PIKFYVE: variants seen among roughly 807,000 people sequenced by gnomAD.
PIKFYVE encodes 1-phosphatidylinositol 3-phosphate 5-kinase.
In PIKFYVE, 122 loss-of-function variants were observed where a neutral mutation model predicts 257.9. The observed-to-expected ratio is 0.47, with a 90% CI of 0.41 to 0.55. The LOEUF is 0.55. PIKFYVE is among the 20% of genes least tolerant of loss of function. PIKFYVE has a pLI of 0.00. For synonymous variants in PIKFYVE, 892 were observed against 868.9 expected, an observed-to-expected ratio of 1.03 and a Z score of -0.47; for missense variants, 2,160 against 2,536.6, an observed-to-expected ratio of 0.85 and a Z score of 3.19.
At chr2:208,279,527 T>A (rs1181196350) in intron 5 of PIKFYVE, among the ~76,000 whole-genome samples, 2 of 152,228 alleles carry the variant, frequency 1.3e-5, no homozygotes, top group Non-Finnish European at 2.9e-5. Context: ...ACTTTCATAG[T>A]TTGAGGTCTT....
intron 3 of PIKFYVE, among the ~76,000 whole-genome samples, chr2:208,274,396 G>A (rs1689837766): frequency 6.6e-6 from 1 of 152,200 alleles, no homozygotes; most frequent in African/African-American, 2.4e-5. Context: ...GGAGTGGTTT[G>A]CCTAAGTCAA....
chr2:208,271,565 G>A lies in PIKFYVE; in HGVS notation c.46G>A (p.Asp16Asn). 5.6e-6 allele frequency: 9 copies of A among 1,614,148 alleles called. No individual in the cohort carries two copies. The highest frequency in any genetic ancestry group is 7.6e-6 in the Non-Finnish European group (9 of 1,180,002). The stretch of plus-strand genomic sequence containing the variant: ...GTCCCCAACACTGGACTCTGCTAAT[G>A]ATTTGCCTCGATCTCCTACTAGTCC... ...KTSPTLDSANDLPRSPTSPSH... is the reference protein window; with the variant it reads ...KTSPTLDSANNLPRSPTSPSH... The change falls in exon 2 of 42, where the codon GAT (aspartate) becomes AAT (asparagine). Residue 16 changes from aspartate (D) to asparagine (N), a missense_variant. Asp to Asn is a conservative substitution (Grantham distance 23). Coordinates refer to ENST00000264380, the MANE Select transcript of PIKFYVE (RefSeq NM_015040.4).
At chr2:208,333,091 G>A (rs1365836825) in intron 23 of PIKFYVE, among the ~76,000 whole-genome samples, 15 of 151,830 alleles carry the variant, frequency 9.9e-5, no homozygotes, top group African/African-American at 2.2e-4. Flanking sequence ...AAAATTAGCC[G>A]GGCGTGGTGG....
intron 4 of PIKFYVE, among the ~76,000 whole-genome samples, chr2:208,277,034 C>T (rs183189872): frequency 5.3e-5 from 8 of 152,186 alleles, no homozygotes; most frequent in African/African-American, 1.9e-4. Context: ...GTGCTTTTCG[C>T]GTTCTGTTTA....
intron 24 of PIKFYVE, among the ~76,000 whole-genome samples, 172 bp downstream of exon 24, chr2:208,333,665 C>G (rs1268399881): frequency 6.6e-6 from 1 of 152,148 alleles, no homozygotes; most frequent in Non-Finnish European, 1.5e-5. Flanking sequence ...ATTTTATTTA[C>G]TCTTTACCCT....
At chr2:208,339,602 A>G (rs760457543) in intron 30 of PIKFYVE, 47 bp downstream of exon 30, 5 of 1,600,592 alleles carry the variant, frequency 3.1e-6, no homozygotes. Context: ...TCTAAGACTG[A>G]AAGATATATC....
At chr2:208,270,835 A>G (rs1574384094) in intron 1 of PIKFYVE, among the ~76,000 whole-genome samples, 1 of 151,974 alleles carries the variant, frequency 6.6e-6, no homozygotes, top group Admixed American at 6.5e-5. Context: ...GGAGTTGGAG[A>G]CCAGCCTGGC....
In PIKFYVE at chr2:208,296,944, A is replaced by G. The variant is rs1012426920; in HGVS notation, c.912-1697A>G. Among the ~76,000 whole-genome samples, 3 of 152,150 alleles carry G rather than the reference A, an allele frequency of 2.0e-5. No homozygotes were observed. The South Asian group carries it at 6.2e-4, about 32-fold the overall frequency. ...AGATGAGAGTTTTGCTGTAAAGTAG[A>G]GGGAAATGCAGCCGAGGGATGTGGA... On this transcript the variant is annotated intron_variant, in intron 7 of 41. Coordinates refer to ENST00000264380, the MANE Select transcript of PIKFYVE (RefSeq NM_015040.4).
At chr2:208,317,824 A>G (rs10497898) in intron 15 of PIKFYVE, 43 bp from the exon 16 acceptor site, 199,696 of 1,496,612 alleles carry the variant, frequency 0.13, 14,073 homozygotes, top group African/African-American at 0.14. Flanking sequence ...GATTCTAAGC[A>G]TGTTATCATT....
intron 7 of PIKFYVE, 71 bp downstream of exon 7, chr2:208,288,889 G>A (rs557162639): frequency 4.5e-6 from 7 of 1,557,030 alleles, no homozygotes; most frequent in South Asian, 4.5e-5. Flanking sequence ...AAGAACAAAC[G>A]GATAAAAAGG....
intron 23 of PIKFYVE, 150 bp from the exon 24 acceptor site, chr2:208,333,165 C>T (rs537879047): frequency 2.9e-4 from 207 of 713,260 alleles, no homozygotes; most frequent in Non-Finnish European, 4.2e-4. Flanking sequence ...ACCTGAGAGG[C>T]GGAGCTTGCA....
At chr2:208,351,872 A>C (rs996174204) in intron 38 of PIKFYVE, among the ~76,000 whole-genome samples, 4 of 152,186 alleles carry the variant, frequency 2.6e-5, no homozygotes, top group Non-Finnish European at 5.9e-5. Context: ...AATACCTCTC[A>C]CCAGGCCGCA....
At chr2:208,293,138 A>C (rs1692527288) in intron 7 of PIKFYVE, among the ~76,000 whole-genome samples, 1 of 149,654 alleles carries the variant, frequency 6.7e-6, no homozygotes, top group African/African-American at 2.5e-5. Context: ...CAACTAATCC[A>C]CATTTACTTT....
chr2:208,325,924 G>A lies in PIKFYVE; in HGVS notation c.3113G>A (p.Arg1038Gln), dbSNP rs765183361. 9 of 1,614,074 alleles carry A rather than the reference G, an allele frequency of 5.6e-6. No homozygotes were observed. In the South Asian group the frequency reaches 6.6e-5, roughly 12 times the overall value. The change falls in exon 20 of 42, where the codon CGA becomes CAA. Residue 1038 changes from arginine (R) to glutamine (Q), a missense_variant. By Grantham distance (43) the Arg-to-Gln change is conservative. Around this residue, in one of 12 missense-constraint regions of PIKFYVE, gnomAD observed 522 missense variants for 514.6 expected, o/e 1.01. Coordinates refer to ENST00000264380, the MANE Select transcript of PIKFYVE (RefSeq NM_015040.4). ...GAAGTCACCTCCTCTGAAGATAAAC[G>A]AAAGACTTATTCTTTGGCCTTTAAG... Reference protein sequence around the residue: ...TEEVTSSEDKRKTYSLAFKQE... With the variant: ...TEEVTSSEDKQKTYSLAFKQE...
chr2:208,348,052 T>C, intron 35 of PIKFYVE, 29 bp downstream of exon 35: 1 of 1,609,344 alleles, frequency 6.2e-7, no homozygotes. Flanking sequence ...AATGTGCTTA[T>C]TCTATGCTTT....
intron 2 of PIKFYVE, among the ~76,000 whole-genome samples, chr2:208,272,166 C>T (rs889580610): frequency 2.0e-5 from 3 of 151,556 alleles, no homozygotes; most frequent in Admixed American, 6.6e-5. Flanking sequence ...ACCCAGGAGG[C>T]GGGGCTTGCA....
chr2:208,354,012 C>G lies in PIKFYVE; in HGVS notation c.5959C>G (p.Pro1987Ala), dbSNP rs1699999619. 2.5e-6 allele frequency: 4 copies of G among 1,614,002 alleles called. No individual in the cohort carries two copies. Among genetic ancestry groups the G allele is most frequent in the East Asian group, 2.2e-5 (1 of 44,860 alleles). Residue 1987 changes from proline (P) to alanine (A), a missense_variant, in exon 40 of 42, where the codon CCT (proline) becomes GCT (alanine). Coordinates refer to ENST00000264380, the MANE Select transcript of PIKFYVE (RefSeq NM_015040.4). The stretch of plus-strand genomic sequence containing the variant: ...TCTCCTAAAGATGGTTCGAGACAAC[C>G]CTCTATATATTCGTTCTCATTCCAA... ...ENLLKMVRDN[P>A]LYIRSHSKAV...
At chr2:208,285,616 T>C (rs1691470609) in intron 5 of PIKFYVE, 110 bp from the exon 6 acceptor site, 2 of 872,594 alleles carry the variant, frequency 2.3e-6, no homozygotes, top group East Asian at 4.9e-5. Context: ...GACATTTCCG[T>C]TATTAGATGA....
chr2:208,281,475 A>G (rs1447972155), intron 5 of PIKFYVE, among the ~76,000 whole-genome samples: 6 of 152,238 alleles, frequency 3.9e-5, no homozygotes, highest in Admixed American at 6.5e-5. Context: ...ATAAATTGGA[A>G]AAATCATGTA....
Sources: allele counts gnomAD v4.1 joint callset (sites outside exome capture counted in the v4.1 genomes callset), GRCh38; gene constraint gnomAD v4.1.1; regional missense constraint gnomAD v4.1.1; transcripts MANE v1.5; gene names NCBI Gene and HGNC (gene_info 2026-07-23, HGNC 2026-07-21).